Variants in PGLS observed in about 807,000 individuals in gnomAD.
The protein encoded by PGLS is epididymis secretory protein Li 304.
In PGLS, 21 loss-of-function variants were observed where a neutral mutation model predicts 23.2. That is an observed-to-expected ratio of 0.91 (90% CI 0.64 to 1.31). The LOEUF is 1.31. Ranked by LOEUF, PGLS falls within the 50% of genes most tolerant of loss-of-function variation. The pLI is 0.00. For synonymous variants in PGLS, 179 were observed against 165.4 expected, an observed-to-expected ratio of 1.08 and a Z score of -0.63; for missense variants, 410 against 354.0, an observed-to-expected ratio of 1.16 and a Z score of -1.27.
In PGLS at chr19:17,517,307, T is replaced by C; in HGVS notation, c.416T>C (p.Ile139Thr). The change falls in exon 3 of 5, where the codon ATC (isoleucine) becomes ACC (threonine). Residue 139 changes from isoleucine (I) to threonine (T), a missense_variant. By Grantham distance (89) the Ile-to-Thr change is moderately conservative (BLOSUM62 -1). Coordinates refer to ENST00000252603, the MANE Select transcript of PGLS (RefSeq NM_012088.3). ...GCCCAGGCATTCCAAGGGGACTCCA[T>C]CCCGGTTTTCGACCTGCTGATCCTG... ...KLRQAFQGDSIPVFDLLILGV... is the reference protein window; with the variant it reads ...KLRQAFQGDSTPVFDLLILGV... 1 of 1,613,936 alleles carries C rather than the reference T, an allele frequency of 6.2e-7. No homozygotes were observed. The highest frequency in any genetic ancestry group is 8.5e-7 in the Non-Finnish European group (1 of 1,179,852).
chr19:17,517,723 T>C lies in PGLS; in HGVS notation c.512T>C (p.Ile171Thr), dbSNP rs750346284. 1.6e-5 allele frequency: 26 copies of C among 1,614,010 alleles called. No individual in the cohort carries two copies. In the Admixed American group the frequency reaches 3.2e-4, roughly 20 times the overall value. ...TTCCTCCCCAAGGAGCGGGAGAAGA[T>C]TGTGGCTCCCATCAGTGACTCCCCG... ...DHPLLQEREK[I>T]VAPISDSPKP... Residue 171 changes from isoleucine (I) to threonine (T), a missense_variant, in exon 4 of 5, where the codon ATT (isoleucine) becomes ACT (threonine). Transcript: ENST00000252603.
chr19:17,521,128 G>T lies in PGLS; in HGVS notation c.*47G>T. On this transcript the variant is annotated 3_prime_UTR_variant, in exon 5 of 5. Transcript: ENST00000252603. The stretch of plus-strand genomic sequence containing the variant: ...CTGGGACCAGGCACGCGGCCCATGG[G>T]GCTGGGCCCCTGCTGGCCGCCACTC... The T allele has an allele frequency of 1.3e-6, 2 of 1,497,312 alleles. No individual in the cohort carries two copies. Among genetic ancestry groups the T allele is most frequent in the South Asian group, 2.5e-5 (2 of 78,894 alleles). 92.8% of individuals were successfully genotyped at this position (1,497,312 alleles called of 1,614,324 possible).
chr19:17,515,325 A>T (rs1356138588), intron 1 of PGLS, among the ~76,000 whole-genome samples: 1 of 152,106 alleles, frequency 6.6e-6, no homozygotes, highest in Non-Finnish European at 1.5e-5. Context: ...TCACCTTAGC[A>T]TTGCCTCAGC....
chr19:17,515,569 G>T (rs563619302), intron 1 of PGLS, among the ~76,000 whole-genome samples: 3 of 152,296 alleles, frequency 2.0e-5, no homozygotes, highest in African/African-American at 7.2e-5. Flanking sequence ...ACTCCCTGTA[G>T]TGGGGCAGGT....
At chr19:17,517,003 GC>G (rs946245023) in intron 2 of PGLS, among the ~76,000 whole-genome samples, 24 of 151,420 alleles carry the variant, frequency 1.6e-4, no homozygotes, top group Admixed American at 1.6e-3. Flanking sequence ...TCCTACCTCA[GC>G]CTCCCAAGTA....
intron 1 of PGLS, among the ~76,000 whole-genome samples, chr19:17,515,404 C>A (rs1193863933): frequency 6.6e-6 from 1 of 152,104 alleles, no homozygotes; most frequent in African/African-American, 2.4e-5. Context: ...CAGACCAGGG[C>A]CCCTGGGGCG....
At chr19:17,515,399 C>G (rs2075527873) in intron 1 of PGLS, among the ~76,000 whole-genome samples, 1 of 152,086 alleles carries the variant, frequency 6.6e-6, no homozygotes, top group East Asian at 1.9e-4. Flanking sequence ...CAGAGCAGAC[C>G]AGGGCCCCTG....
At position 17,519,148 on chromosome 19, in the gene PGLS, T is replaced by C. The variant is rs569521559; in HGVS notation, c.639+1298T>C. On this transcript the variant is annotated intron_variant, in intron 4 of 4. Transcript: ENST00000252603. The stretch of plus-strand genomic sequence containing the variant: ...GGCCAACATGGCGAAACCCTGTCTC[T>C]ACTAAAAATACAAAAATTAGCCAGG... Among the ~76,000 whole-genome samples the C allele has an allele frequency of 1.4e-3, 205 of 151,596 alleles. 1 individual carries two copies. Among genetic ancestry groups the C allele is most frequent in the African/African-American group, 4.7e-3 (193 of 41,384 alleles).
At chr19:17,516,583 C>CTT (rs999905398) in intron 2 of PGLS, 1,945 of 704,162 alleles carry the variant, frequency 2.8e-3, no homozygotes, top group Middle Eastern at 5.6e-3. Context: ...ACTTGTATTT[C>CTT]TTTTTTTTTT....
Position 17,511,888 on chromosome 19 carries a change from C to T in PGLS, c.216C>T (p.Arg72=). 6.5e-7 allele frequency: 1 copy of T among 1,541,898 alleles called. No homozygotes were observed. ...VAPAGPASLA[R]WTLGFCDERL... Reference sequence around the variant, plus strand: ...CTGCCGGGCCAGCTAGCTTAGCGCGCTGGACGCTGGGCTTCTGCGACGAGC... The same window carrying T: ...CTGCCGGGCCAGCTAGCTTAGCGCGTTGGACGCTGGGCTTCTGCGACGAGC... Residue 72 remains arginine, a synonymous_variant, in exon 1 of 5, where the codon CGC becomes CGT. Transcript: ENST00000252603.
chr19:17,515,348 ACT>A (rs1224652134), intron 1 of PGLS, among the ~76,000 whole-genome samples: 8 of 151,844 alleles, frequency 5.3e-5, no homozygotes, highest in Admixed American at 2.0e-4. Flanking sequence ...ACTGAGCTAG[ACT>A]CTGCACAAAC....
intron 3 of PGLS, 23 bp downstream of exon 3, chr19:17,517,412 C>T: frequency 6.5e-7 from 1 of 1,547,490 alleles, no homozygotes; most frequent in Non-Finnish European, 8.9e-7. Context: ...ATGCGGGGTT[C>T]CACCCTAGTC....
chr19:17,515,819 T>G (rs1464553744), intron 1 of PGLS: 6 of 225,890 alleles, frequency 2.7e-5, no homozygotes, highest in Non-Finnish European at 5.6e-5. Context: ...ATTGAAAGAC[T>G]CCTGTTGGAA....
chr19:17,516,097 G>C, intron 1 of PGLS, 76 bp from the exon 2 acceptor site: 1 of 1,066,210 alleles, frequency 9.4e-7, no homozygotes, highest in East Asian at 2.5e-5. Context: ...GTGTTATGAC[G>C]GTACTGTCAT....
Position 17,517,282 on chromosome 19 carries a change from G to T in PGLS, c.397-6G>T, listed in dbSNP as rs747877954. 1.2e-6 allele frequency: 2 copies of T among 1,607,994 alleles called. No homozygotes were observed. Among genetic ancestry groups the T allele is most frequent in the Non-Finnish European group, 1.7e-6 (2 of 1,174,728 alleles). ...CCTCTCAAGGCTGTCTTCTCCCCAC[G>T]CCCAGGCATTCCAAGGGGACTCCAT... On this transcript the variant is annotated splice_region_variant and splice_polypyrimidine_tract_variant and intron_variant, in intron 2 of 4. Transcript: ENST00000252603.
chr19:17,516,246 A>C lies in PGLS; in HGVS notation c.362A>C (p.Glu121Ala). Residue 121 changes from glutamate (E) to alanine (A), a missense_variant, in exon 2 of 5, where the codon GAG becomes GCG. Coordinates refer to ENST00000252603, the MANE Select transcript of PGLS (RefSeq NM_012088.3). The part of the protein sequence containing the change: ...ITINPELPVE[E>A]AAEDYAKKLR... ...ATTAACCCCGAGCTGCCTGTGGAGG[A>C]GGCGGCTGAGGACTACGCCAAGAAG... 1.2e-6 allele frequency: 2 copies of C among 1,613,966 alleles called. No homozygotes were observed. Among genetic ancestry groups the C allele is most frequent in the Non-Finnish European group, 1.7e-6 (2 of 1,179,902 alleles).
chr19:17,518,512 T>G (rs2075543514), intron 4 of PGLS: 1 of 152,006 alleles, frequency 6.6e-6, no homozygotes, highest in South Asian at 2.1e-4. Flanking sequence ...TGGAAATATA[T>G]TTTTATTTTT....
At position 17,511,867 on chromosome 19, in the gene PGLS, C is replaced by T. The variant is rs1007538748; in HGVS notation, c.195C>T (p.Ala65=). 2.6e-6 allele frequency: 4 copies of T among 1,535,496 alleles called. No homozygotes were observed. Among genetic ancestry groups the T allele is most frequent in the African/African-American group, 2.8e-5 (2 of 70,666 alleles). ...ARELPAAVAP[A]GPASLARWTL... ...AGCTACCCGCCGCCGTCGCCCCTGC[C>T]GGGCCAGCTAGCTTAGCGCGCTGGA... Residue 65 remains alanine, a synonymous_variant, in exon 1 of 5, where the codon GCC becomes GCT. Coordinates refer to ENST00000252603, the MANE Select transcript of PGLS (RefSeq NM_012088.3).
At chr19:17,512,996 T>TGACC (rs2075516403) in intron 1 of PGLS, 1 of 152,262 alleles carries the variant, frequency 6.6e-6, no homozygotes, top group Non-Finnish European at 1.5e-5. Context: ...AGGCATCTAG[T>TGACC]GACCAGAGGG....
Sources: gnomAD v4.1 joint callset for allele counts (sites outside exome capture counted in the v4.1 genomes callset) on GRCh38, gnomAD v4.1.1 for gene constraint, MANE v1.5 for transcripts, NCBI Gene and HGNC (gene_info 2026-07-23, HGNC 2026-07-21) for gene names.